ABCA1: variants seen among roughly 807,000 people sequenced by gnomAD.
ABCA1 encodes the protein ATP binding cassette subfamily A member 1, also known as phospholipid-transporting ATPase ABCA1.
ABCA1 carries 133 observed loss-of-function variants against 262.5 expected under a neutral mutation model. That is an observed-to-expected ratio of 0.51 (90% CI 0.44 to 0.59). The LOEUF (loss-of-function observed/expected upper bound fraction) is 0.59, where lower values mean the gene tolerates loss of function less well. ABCA1 is among the 20% of genes least tolerant of loss of function. The pLI, the probability that ABCA1 is intolerant of heterozygous loss-of-function variation, is 0.00. For missense variants in ABCA1, 2,452 were observed against 2,777.5 expected, an observed-to-expected ratio of 0.88 and a Z score of 2.63; for synonymous variants, 1,022 against 1,043.5, an observed-to-expected ratio of 0.98 and a Z score of 0.40.
At chr9:104,898,261 T>A (rs551066096) in intron 2 of ABCA1, among the ~76,000 whole-genome samples, 7 of 152,076 alleles carry the variant, frequency 4.6e-5, no homozygotes, top group African/African-American at 9.6e-5. Context: ...AAAATAAAAT[T>A]AAATTCTCAG....
At chr9:104,794,184 T>C (rs1292485562) in intron 40 of ABCA1, among the ~76,000 whole-genome samples, 1 of 152,204 alleles carries the variant, frequency 6.6e-6, no homozygotes, top group Non-Finnish European at 1.5e-5. Context: ...TTCTCAATGC[T>C]ATCAGAGACA....
Position 104,819,940 on chromosome 9 carries a change from T to C in ABCA1, c.3090A>G (p.Thr1030=). Reference sequence around the variant, plus strand: ...TCTGGGCCGCACCTGACAGCTGGCTTGTTTTGCTTTTCAGCTTGCTTGATG... The same window carrying C: ...TCTGGGCCGCACCTGACAGCTGGCTCGTTTTGCTTTTCAGCTTGCTTGATG... The part of the protein sequence containing the change: ...GLPSSKLKSK[T]SQLSGGMQRK... The change falls in exon 21 of 50, where the codon ACA becomes ACG. Residue 1030 remains threonine, a synonymous_variant. Coordinates refer to ENST00000374736, the MANE Select transcript of ABCA1 (RefSeq NM_005502.4). 6.2e-7 allele frequency: 1 copy of C among 1,613,558 alleles called. No homozygotes were observed. Among genetic ancestry groups the C allele is most frequent in the Non-Finnish European group, 8.5e-7 (1 of 1,179,952 alleles).
intron 5 of ABCA1, among the ~76,000 whole-genome samples, chr9:104,870,580 G>C (rs1481659817): frequency 6.6e-6 from 1 of 152,224 alleles, no homozygotes; most frequent in Non-Finnish European, 1.5e-5. Flanking sequence ...ACAGTATTAA[G>C]AGGCAGGGCC....
Position 104,824,577 on chromosome 9 carries a change from G to C in ABCA1, c.2544C>G (p.Gly848=). The change falls in exon 18 of 50, where the codon GGC becomes GGG. Residue 848 remains glycine (G), a splice_region_variant and synonymous_variant. Coordinates refer to ENST00000374736, the MANE Select transcript of ABCA1 (RefSeq NM_005502.4). ...MTWYIEAVFP[G]QYGIPRPWYF... ...ACCAGGGCCTGGGAATTCCGTACTG[G>C]CCTGAAAGCAAAGCACAGGTATGAG... 5 of 1,613,488 alleles carry C rather than the reference G, an allele frequency of 3.1e-6. No individual in the cohort carries two copies. The highest frequency in any genetic ancestry group is 4.2e-6 in the Non-Finnish European group (5 of 1,179,992).
chr9:104,806,949 TAAC>T (rs1213308258), intron 30 of ABCA1, among the ~76,000 whole-genome samples: 1 of 152,028 alleles, frequency 6.6e-6, no homozygotes, highest in African/African-American at 2.4e-5. Flanking sequence ...AGCCAAAACA[TAAC>T]AATGATGGAG....
intron 3 of ABCA1, among the ~76,000 whole-genome samples, chr9:104,888,061 G>A (rs112631865): frequency 3.7e-5 from 5 of 133,438 alleles, no homozygotes; most frequent in African/African-American, 1.3e-4. Context: ...CTTGAGGGGT[G>A]TGTGTGTGTG....
intron 5 of ABCA1, among the ~76,000 whole-genome samples, chr9:104,876,085 A>G (rs1440266153): frequency 2.0e-5 from 3 of 152,182 alleles, no homozygotes; most frequent in Non-Finnish European, 4.4e-5. Flanking sequence ...TGTACAGTAG[A>G]GAGAGGCTAC....
chr9:104,862,027 TCAAA>T (rs893666646), intron 5 of ABCA1, among the ~76,000 whole-genome samples: 44 of 149,850 alleles, frequency 2.9e-4, no homozygotes, highest in African/African-American at 1.1e-3. Flanking sequence ...GCTCCTCAAC[TCAAA>T]CAGTGTGATG....
At chr9:104,878,858 C>T (rs914736452) in intron 5 of ABCA1, among the ~76,000 whole-genome samples, 20 of 152,158 alleles carry the variant, frequency 1.3e-4, no homozygotes, top group African/African-American at 4.6e-4. Flanking sequence ...TATAGTCCAG[C>T]GAATTTAGCA....
intron 11 of ABCA1, among the ~76,000 whole-genome samples, chr9:104,835,816 T>C (rs1833768141): frequency 6.6e-6 from 1 of 152,198 alleles, no homozygotes; most frequent in Non-Finnish European, 1.5e-5. Flanking sequence ...TTATGAAGAA[T>C]TGAAGCACCT....
intron 9 of ABCA1, 47 bp from the exon 10 acceptor site, chr9:104,837,614 T>G (rs771775930): frequency 6.2e-7 from 1 of 1,607,580 alleles, no homozygotes; most frequent in African/African-American, 1.3e-5. Flanking sequence ...GGTCATATAC[T>G]GATAGAAACT....
At chr9:104,785,775 G>T in intron 48 of ABCA1, 136 bp from the exon 49 acceptor site, 1 of 983,138 alleles carries the variant, frequency 1.0e-6, no homozygotes. Context: ...CTGAGAGAAG[G>T]AACCAGTTAT....
intron 5 of ABCA1, among the ~76,000 whole-genome samples, chr9:104,864,088 C>A (rs1836862821): frequency 6.6e-6 from 1 of 152,178 alleles, no homozygotes; most frequent in Non-Finnish European, 1.5e-5. Context: ...CCAGACTATG[C>A]CTATAGGATA....
Position 104,785,406 on chromosome 9 carries a change from G to A in ABCA1, c.6635C>T (p.Thr2212Ile), listed in dbSNP as rs759238252. The change falls in exon 49 of 50, where the codon ACA becomes ATA. Residue 2212 changes from threonine to isoleucine, a missense_variant. By Grantham distance (89) the Thr-to-Ile change is moderately conservative (BLOSUM62 -1). Around this residue, in one of 4 missense-constraint regions of ABCA1, gnomAD observed 752 missense variants for 944.5 expected, o/e 0.80. Coordinates refer to ENST00000374736, the MANE Select transcript of ABCA1 (RefSeq NM_005502.4). ...ACACTCAAAGCTTACTTGGTCAAGT[G>A]TTGTCTGAGAAACAGAGTAGTCTTC... ...HIEDYSVSQT[T>I]LDQVFVNFAK... is the part of the protein sequence containing the mutation. 2 of 1,614,006 alleles carry A rather than the reference G, an allele frequency of 1.2e-6. No homozygotes were observed. The highest frequency in any genetic ancestry group is 1.7e-6 in the Non-Finnish European group (2 of 1,179,910).
chr9:104,784,072 A>G lies in ABCA1; in HGVS notation c.*243T>C. 1.9e-6 allele frequency: 1 copy of G among 516,910 alleles called. No individual in the cohort carries two copies. The highest frequency in any genetic ancestry group is 3.4e-5 in the East Asian group (1 of 29,066). The allele number at this position is 516,910 out of a possible 1,614,324, so 32.0% of individuals were successfully genotyped here. A position where few individuals can be genotyped will look rare whatever the true frequency, so the allele number is the denominator to read the frequency against. Reference sequence around the variant, plus strand: ...ATAGAGTTTCACATAGGTATAGGTAAAAAACTAAATTCAAGTCTTTCACTT... The same window carrying G: ...ATAGAGTTTCACATAGGTATAGGTAGAAAACTAAATTCAAGTCTTTCACTT... On this transcript the variant is annotated 3_prime_UTR_variant, in exon 50 of 50. Coordinates refer to ENST00000374736, the MANE Select transcript of ABCA1 (RefSeq NM_005502.4).
At chr9:104,897,063 A>C (rs904391494) in intron 2 of ABCA1, among the ~76,000 whole-genome samples, 4 of 152,106 alleles carry the variant, frequency 2.6e-5, no homozygotes, top group African/African-American at 9.7e-5. Flanking sequence ...CTAGAAAAGG[A>C]ATCACTATTT....
At chr9:104,914,947 G>C (rs1420616727) in intron 1 of ABCA1, among the ~76,000 whole-genome samples, 2 of 152,110 alleles carry the variant, frequency 1.3e-5, no homozygotes, top group East Asian at 3.9e-4. Context: ...TGTGATTGAG[G>C]CTCTAGAACC....
chr9:104,821,849 ATT>A (rs1437065618), intron 19 of ABCA1, among the ~76,000 whole-genome samples: 1 of 152,204 alleles, frequency 6.6e-6, no homozygotes. Flanking sequence ...GATAAAAACA[ATT>A]TTTGTGTTAG....
Position 104,836,989 on chromosome 9 carries a change from G to T in ABCA1, c.1302C>A (p.Asp434Glu), listed in dbSNP as rs372030899. The change falls in exon 11 of 50, where the codon GAC becomes GAA. Residue 434 changes from aspartate (D) to glutamate (E), a missense_variant. Coordinates refer to ENST00000374736, the MANE Select transcript of ABCA1 (RefSeq NM_005502.4). The part of the protein sequence containing the change: ...WTFMENSQEM[D>E]LVRMLLDSRD... Reference sequence around the variant, plus strand: ...TGGGAGGGACACTCACCCGGACAAGGTCCATTTCTTGGCTGTTCTCCATGA... The same window carrying T: ...TGGGAGGGACACTCACCCGGACAAGTTCCATTTCTTGGCTGTTCTCCATGA... 1.2e-6 allele frequency: 2 copies of T among 1,613,350 alleles called. No individual in the cohort carries two copies. Among genetic ancestry groups the T allele is most frequent in the African/African-American group, 1.3e-5 (1 of 74,914 alleles).
Sources: gnomAD v4.1 joint callset for allele counts (sites outside exome capture counted in the v4.1 genomes callset) on GRCh38, gnomAD v4.1.1 for gene constraint, gnomAD v4.1.1 regional missense constraint, MANE v1.5 for transcripts, NCBI Gene and HGNC (gene_info 2026-07-23, HGNC 2026-07-21) for gene names.